The following SMCO1 variants were observed in gnomAD, a reference collection of about 807,000 sequenced individuals.
SMCO1 encodes the protein single-pass membrane protein with coiled-coil domains 1.
Under a neutral mutation model 7.5 loss-of-function variants are expected in SMCO1, and 9 were observed. That is an observed-to-expected ratio of 1.20 (90% CI 0.72 to 2.09). The LOEUF is 2.09. SMCO1 is among the 30% of genes most tolerant of loss of function. SMCO1 has a pLI of 0.00. For missense variants in SMCO1, 219 were observed against 253.1 expected, an observed-to-expected ratio of 0.87 and a Z score of 0.91; for synonymous variants, 90 against 93.8, an observed-to-expected ratio of 0.96 and a Z score of 0.23.
chr3:196,513,561 G>A (rs1373996120), intron 1 of SMCO1, among the ~76,000 whole-genome samples: 5 of 150,380 alleles, frequency 3.3e-5, no homozygotes, highest in Non-Finnish European at 7.4e-5. Context: ...CCTGGGAGGC[G>A]GAGGTTGCAG....
intron 1 of SMCO1, among the ~76,000 whole-genome samples, chr3:196,514,835 G>A (rs946014731): frequency 1.2e-4 from 18 of 152,190 alleles, no homozygotes; most frequent in East Asian, 5.8e-4. Flanking sequence ...TCCACCTCCC[G>A]GGTTCAAGTG....
chr3:196,520,114 GA>G (rs1480541858), upstream of SMCO1, among the ~76,000 whole-genome samples: 1 of 152,170 alleles, frequency 6.6e-6, no homozygotes, highest in Non-Finnish European at 1.5e-5. Flanking sequence ...AGACTTTGAA[GA>G]AAAAGCACCT....
At chr3:196,517,891 G>A (rs1733424116), upstream of SMCO1, among the ~76,000 whole-genome samples, 1 of 152,138 alleles carries the variant, frequency 6.6e-6, no homozygotes, top group Admixed American at 6.5e-5. Flanking sequence ...CCTCAGTAAT[G>A]CTTTTTATTT....
At chr3:196,516,877 T>G (rs1246037329), upstream of SMCO1, among the ~76,000 whole-genome samples, 1 of 151,978 alleles carries the variant, frequency 6.6e-6, no homozygotes, top group African/African-American at 2.4e-5. Context: ...GGTGGGTAGA[T>G]CACTTGAGGT....
At chr3:196,509,224 T>TC in intron 2 of SMCO1, among the ~76,000 whole-genome samples, 1 of 147,006 alleles carries the variant, frequency 6.8e-6, no homozygotes, top group East Asian at 2.0e-4. Flanking sequence ...TAATTTTTTT[T>TC]TTTTTTTTTT....
At chr3:196,517,267 C>T (rs1019378709), upstream of SMCO1, among the ~76,000 whole-genome samples, 9 of 151,652 alleles carry the variant, frequency 5.9e-5, no homozygotes, top group Non-Finnish European at 1.3e-4. Flanking sequence ...ATAATGAGCC[C>T]CTTTTGATCA....
At chr3:196,516,510 A>G (rs1398299160), upstream of SMCO1, among the ~76,000 whole-genome samples, 1 of 152,192 alleles carries the variant, frequency 6.6e-6, no homozygotes. Flanking sequence ...GAAAAAGAAA[A>G]TAACCACACC....
At chr3:196,508,366 A>G (rs776749932) in intron 2 of SMCO1, 35 bp from the exon 3 acceptor site, 148 of 1,524,118 alleles carry the variant, frequency 9.7e-5, no homozygotes, top group Middle Eastern at 5.5e-4. Context: ...TAAGCGGTCA[A>G]AAATATTTTA....
chr3:196,510,427 A>C (rs1015319160), intron 1 of SMCO1, among the ~76,000 whole-genome samples: 1 of 152,210 alleles, frequency 6.6e-6, no homozygotes, highest in African/African-American at 2.4e-5. Flanking sequence ...TGCTGAGACC[A>C]GTATATAATC....
At chr3:196,513,021 T>A (rs765601175) in intron 1 of SMCO1, among the ~76,000 whole-genome samples, 3 of 152,112 alleles carry the variant, frequency 2.0e-5, no homozygotes, top group Non-Finnish European at 4.4e-5. Context: ...GTAATTTCTG[T>A]CTACAAGTCA....
intron 1 of SMCO1, among the ~76,000 whole-genome samples, chr3:196,514,741 T>C (rs1375073888): frequency 4.6e-5 from 7 of 152,196 alleles, no homozygotes; most frequent in Non-Finnish European, 1.0e-4. Flanking sequence ...ACCACTGTAA[T>C]AGAGACGGAA....
At chr3:196,515,987 GGATATATAT>G (rs1733374198), upstream of SMCO1, among the ~76,000 whole-genome samples, 5 of 8,518 alleles carry the variant, frequency 5.9e-4, no homozygotes, top group Non-Finnish European at 8.8e-4. Context: ...CAAGAGGATA[GGATATATAT>G]ATATATATAT....
At chr3:196,516,196 G>C (rs1439998335), upstream of SMCO1, among the ~76,000 whole-genome samples, 1 of 150,042 alleles carries the variant, frequency 6.7e-6, no homozygotes, top group Non-Finnish European at 1.5e-5. Context: ...AAATCTAGTT[G>C]GGAAGAAAGA....
chr3:196,515,304 C>A lies in SMCO1; in HGVS notation c.-95G>T. On this transcript the variant is annotated 5_prime_UTR_variant, in exon 1 of 3. Transcript: ENST00000397537. ...GAATTTTCTGCGGTCTTCCTCTCAG[C>A]AACAGGCAGCAGTAGCAGGAGCGCT... is the stretch of plus-strand genomic sequence containing the variant. 1.1e-6 allele frequency: 1 copy of A among 903,084 alleles called. No homozygotes were observed. The highest frequency in any genetic ancestry group is 2.4e-5 in the East Asian group (1 of 41,482). The allele number at this position is 903,084 out of a possible 1,614,324, so 55.9% of individuals were successfully genotyped here.
At position 196,508,031 on chromosome 3, in the gene SMCO1, G is replaced by A. The variant is rs1303498607; in HGVS notation, c.501C>T (p.Phe167=). 6.2e-7 allele frequency: 1 copy of A among 1,613,940 alleles called. No individual in the cohort carries two copies. The highest frequency in any genetic ancestry group is 8.5e-7 in the Non-Finnish European group (1 of 1,179,980). ...GGTTCTTTACCATGTTAGTAATTAG[G>A]AACGTGACATCCCTGATGTACATCT... The part of the protein sequence containing the change: ...VRQMYIRDVT[F]LITNMVKNQA... The change falls in exon 3 of 3, where the codon TTC becomes TTT. Residue 167 remains phenylalanine, a synonymous_variant. Transcript: ENST00000397537.
intron 1 of SMCO1, among the ~76,000 whole-genome samples, chr3:196,512,509 C>CTT (rs36023059): frequency 0.089 from 10,182 of 114,038 alleles, 1,979 homozygotes; most frequent in African/African-American, 0.36. Context: ...TATTTCCTTT[C>CTT]TTTTTTTTTT....
chr3:196,512,650 T>A (rs960100469), intron 1 of SMCO1, among the ~76,000 whole-genome samples: 63 of 151,860 alleles, frequency 4.1e-4, no homozygotes, highest in African/African-American at 1.4e-3. Context: ...TAGCTGGGAT[T>A]ACAGGCGCCA....
chr3:196,513,293 G>A (rs934066199), intron 1 of SMCO1, among the ~76,000 whole-genome samples: 1 of 150,458 alleles, frequency 6.6e-6, no homozygotes, highest in Non-Finnish European at 1.5e-5. Context: ...TCATGCCACT[G>A]CACTCAGCTT....
upstream of SMCO1, among the ~76,000 whole-genome samples, chr3:196,519,646 C>A (rs1406379958): frequency 1.3e-5 from 2 of 152,152 alleles, no homozygotes; most frequent in Non-Finnish European, 2.9e-5. Context: ...AGGGTAAATG[C>A]CCTAGTGCGG....
Sources: allele counts gnomAD v4.1 joint callset (sites outside exome capture counted in the v4.1 genomes callset), GRCh38; gene constraint gnomAD v4.1.1; transcripts MANE v1.5; gene names NCBI Gene and HGNC (gene_info 2026-07-23, HGNC 2026-07-21).